Variants in NOTCH2 observed in about 807,000 individuals in gnomAD.
NOTCH2 encodes the protein notch receptor 2.
A neutral mutation model predicts 235.8 loss-of-function variants in NOTCH2; 29 were observed. That is an observed-to-expected ratio of 0.12 (90% confidence interval 0.09 to 0.17). The LOEUF (loss-of-function observed/expected upper bound fraction) is 0.17, where lower values mean the gene tolerates loss of function less well. Among genes scored for constraint, NOTCH2 ranks in the 10% least tolerant of loss-of-function variants. The pLI is 1.00. For missense variants in NOTCH2, 2,285 were observed against 3,150.2 expected, an observed-to-expected ratio of 0.73 and a Z score of 6.57; for synonymous variants, 1,086 against 1,141.5, an observed-to-expected ratio of 0.95 and a Z score of 0.98.
chr1:120,039,060 G>C (rs1320493384), intron 1 of NOTCH2, among the ~76,000 whole-genome samples: 1 of 151,822 alleles, frequency 6.6e-6, no homozygotes, highest in Non-Finnish European at 1.5e-5. Flanking sequence ...CCATGAGTAG[G>C]TTCACTAATA....
At chr1:120,024,818 G>T (rs1250195286) in intron 2 of NOTCH2, among the ~76,000 whole-genome samples, 2 of 151,756 alleles carry the variant, frequency 1.3e-5, no homozygotes, top group African/African-American at 4.8e-5. Context: ...ATTCTGAAAG[G>T]CCCCTTTATA....
chr1:120,057,098 C>T (rs1655151588), intron 1 of NOTCH2, among the ~76,000 whole-genome samples: 1 of 127,776 alleles, frequency 7.8e-6, no homozygotes, highest in Admixed American at 6.9e-5. Context: ...CATGAAGGTT[C>T]CCAATCACTC....
chr1:119,953,489 T>C (rs965678603), intron 14 of NOTCH2, 54 bp downstream of exon 14: 1 of 1,587,432 alleles, frequency 6.3e-7, no homozygotes, highest in Non-Finnish European at 8.7e-7. Flanking sequence ...TCAAGCAGTA[T>C]GCAACAACAA....
chr1:120,055,835 T>C (rs2603946), intron 1 of NOTCH2, among the ~76,000 whole-genome samples: 36 of 150,946 alleles, frequency 2.4e-4, no homozygotes, highest in African/African-American at 6.3e-4. Flanking sequence ...CCAGTCCAGG[T>C]TAATCCAATT....
At chr1:119,937,595 C>A (rs1199970975) in intron 20 of NOTCH2, 129 bp from the exon 21 acceptor site, 7 of 907,976 alleles carry the variant, frequency 7.7e-6, no homozygotes, top group African/African-American at 1.6e-5. Flanking sequence ...TTCTTCACAA[C>A]CCTCAGTACC....
At chr1:119,986,906 C>T in intron 5 of NOTCH2, 54 bp downstream of exon 5, 1 of 1,612,130 alleles carries the variant, frequency 6.2e-7, no homozygotes, top group Non-Finnish European at 8.5e-7. Context: ...AAACAGTCTG[C>T]CTCTGGTTAC....
At chr1:119,973,754 C>T (rs1257848077) in intron 5 of NOTCH2, among the ~76,000 whole-genome samples, 4 of 152,182 alleles carry the variant, frequency 2.6e-5, no homozygotes, top group African/African-American at 7.2e-5. Flanking sequence ...GAGGTCTTAA[C>T]GTGTATGCTC....
In NOTCH2 at chr1:119,986,891, T is replaced by C; in HGVS notation, c.874+69A>G. The C allele has an allele frequency of 1.9e-6, 3 of 1,607,474 alleles. No individual in the cohort carries two copies. In the Admixed American group the frequency reaches 5.0e-5, roughly 27 times the overall value. ...CCTAAGATATTTGTTACTGATATTTTAAAAAAACAGTCTGCCTCTGGTTAC... is the reference window on the plus strand; with the variant it reads ...CCTAAGATATTTGTTACTGATATTTCAAAAAAACAGTCTGCCTCTGGTTAC... On this transcript the variant is annotated intron_variant, in intron 5 of 33. Transcript: ENST00000256646.
Position 119,915,735 on chromosome 1 carries a change from A to G in NOTCH2, c.6987T>C (p.Pro2329=), listed in dbSNP as rs749964813. The change falls in exon 34 of 34, where the codon CCT becomes CCC. Residue 2329 remains proline (P), a synonymous_variant. Coordinates refer to ENST00000256646, the MANE Select transcript of NOTCH2 (RefSeq NM_024408.4). The part of the protein sequence containing the change: ...AGAPQPQSTC[P]PAVAGPLPTM... ...TGGGCAGGGGGCCCGCAACAGCTGG[A>G]GGGCAGGTGGACTGAGGCTGGGGAG... is the stretch of plus-strand genomic sequence containing the variant. 6.2e-7 allele frequency: 1 copy of G among 1,608,020 alleles called. No individual in the cohort carries two copies. Among genetic ancestry groups the G allele is most frequent in the Admixed American group, 1.7e-5 (1 of 59,844 alleles).
At chr1:119,921,642 G>T in intron 29 of NOTCH2, 71 bp downstream of exon 29, 2 of 1,275,426 alleles carry the variant, frequency 1.6e-6, no homozygotes, top group Non-Finnish European at 2.3e-6. Context: ...ACACTCTGGA[G>T]CTAAAGGACA....
intron 33 of NOTCH2, among the ~76,000 whole-genome samples, chr1:119,917,385 A>T (rs1649123496): frequency 1.3e-5 from 2 of 152,190 alleles, no homozygotes; most frequent in Non-Finnish European, 2.9e-5. Context: ...AGAAGAGACA[A>T]CTGGAGAAAA....
At chr1:120,007,609 G>T (rs1298145198) in intron 2 of NOTCH2, among the ~76,000 whole-genome samples, 2 of 151,244 alleles carry the variant, frequency 1.3e-5, no homozygotes, top group Non-Finnish European at 2.9e-5. Context: ...AGAATTGCTT[G>T]AACCCGGGAG....
chr1:119,958,074 A>C (rs1315526655), intron 12 of NOTCH2, among the ~76,000 whole-genome samples: 2 of 152,220 alleles, frequency 1.3e-5, no homozygotes, highest in Non-Finnish European at 2.9e-5. Context: ...GCTCAAAATT[A>C]GTTCTTCATA....
chr1:119,968,959 C>G (rs1651256787), intron 6 of NOTCH2, among the ~76,000 whole-genome samples: 1 of 152,226 alleles, frequency 6.6e-6, no homozygotes, highest in Non-Finnish European at 1.5e-5. Flanking sequence ...ATTATCTTCT[C>G]CCATCACCTT....
At chr1:119,954,131 T>C (rs1650595134) in intron 13 of NOTCH2, among the ~76,000 whole-genome samples, 1 of 152,184 alleles carries the variant, frequency 6.6e-6, no homozygotes, top group South Asian at 2.1e-4. Flanking sequence ...ATTTCATATC[T>C]AAGTCATGCT....
rs1651027946 is a variant in NOTCH2 at position 119,963,661 on chromosome 1, C to T, written c.1828G>A (p.Glu610Lys). The T allele has an allele frequency of 6.2e-7, 1 of 1,614,040 alleles. No homozygotes were observed. Among genetic ancestry groups the T allele is most frequent in the South Asian group, 1.1e-5 (1 of 91,092 alleles). ...MGAICSDQID[E>K]CYSSPCLNDG... Reference sequence around the variant, plus strand: ...TTCAGGCAAGGGCTGCTGTAACATTCATCAATCTGGTCACTGCAGATGGCG... The same window carrying T: ...TTCAGGCAAGGGCTGCTGTAACATTTATCAATCTGGTCACTGCAGATGGCG... The change falls in exon 11 of 34, where the codon GAA becomes AAA. Residue 610 changes from glutamate to lysine, a missense_variant. Transcript: ENST00000256646.
chr1:120,069,208 G>A (rs776386618), intron 1 of NOTCH2, 126 bp downstream of exon 1: 23 of 1,527,800 alleles, frequency 1.5e-5, no homozygotes, highest in Middle Eastern at 2.0e-4. Flanking sequence ...AACCCAGCGA[G>A]TGGCCTCGCT....
chr1:119,936,915 CA>C (rs1173443583), intron 21 of NOTCH2, among the ~76,000 whole-genome samples: 3 of 151,528 alleles, frequency 2.0e-5, no homozygotes, highest in African/African-American at 7.3e-5. Flanking sequence ...ACAAAGGTGA[CA>C]GGGGCCAAAG....
chr1:119,983,327 A>AT (rs1272077856), intron 5 of NOTCH2, among the ~76,000 whole-genome samples: 5 of 151,424 alleles, frequency 3.3e-5, no homozygotes, highest in Non-Finnish European at 7.4e-5. Context: ...CTAATTTTGT[A>AT]TTTTTTGTAG....
Sources: gnomAD v4.1 joint callset for allele counts (sites outside exome capture counted in the v4.1 genomes callset) on GRCh38, gnomAD v4.1.1 for gene constraint, MANE v1.5 for transcripts, NCBI Gene and HGNC (gene_info 2026-07-23, HGNC 2026-07-21) for gene names.